Variants in ABCD3 observed in about 807,000 individuals in gnomAD.
The protein encoded by ABCD3 is ATP binding cassette subfamily D member 3, also known as ATP-binding cassette sub-family D member 3.
A neutral mutation model predicts 105.5 loss-of-function variants in ABCD3; 41 were observed. That is an observed-to-expected ratio of 0.39 (90% confidence interval 0.30 to 0.50). The LOEUF is 0.50. ABCD3 is among the 20% of genes least tolerant of loss of function. The probability of loss-of-function intolerance (pLI) is 0.84; values close to 1 mark genes in which losing one functional copy is unlikely to be tolerated. For synonymous variants in ABCD3, 258 were observed against 269.0 expected (o/e 0.96, Z 0.40); for missense variants, 622 against 806.3 (o/e 0.77, Z 2.77).
At chr1:94,452,614 T>C (rs1647311041) in intron 1 of ABCD3, among the ~76,000 whole-genome samples, 1 of 152,228 alleles carries the variant, frequency 6.6e-6, no homozygotes, top group Non-Finnish European at 1.5e-5. Flanking sequence ...AATTTTTGAA[T>C]AGGCAGTACA....
intron 21 of ABCD3, among the ~76,000 whole-genome samples, chr1:94,507,139 C>A (rs375041306): frequency 4.0e-4 from 61 of 151,990 alleles, no homozygotes; most frequent in South Asian, 1.0e-3. Flanking sequence ...ATCCCTCCCC[C>A]CTTCCCCCAC....
chr1:94,469,124 G>A (rs1210782291), intron 4 of ABCD3, among the ~76,000 whole-genome samples: 1 of 152,264 alleles, frequency 6.6e-6, no homozygotes, highest in South Asian at 2.1e-4. Flanking sequence ...ACTCACAACT[G>A]TCATTACGTG....
chr1:94,511,097 T>C (rs1650646603), intron 21 of ABCD3, among the ~76,000 whole-genome samples: 2 of 152,168 alleles, frequency 1.3e-5, no homozygotes, highest in Admixed American at 1.3e-4. Context: ...CGATGGTCTT[T>C]ACATTTTGGC....
At position 94,418,430 on chromosome 1, in the gene ABCD3, C is replaced by G; in HGVS notation, c.-49C>G. 6.6e-7 allele frequency: 1 copy of G among 1,518,222 alleles called. No individual in the cohort carries two copies. The highest frequency in any genetic ancestry group is 1.2e-5 in the South Asian group (1 of 85,166). 94.0% of individuals were successfully genotyped at this position (1,518,222 alleles called of 1,614,324 possible). ...CTGCGTGCAGTAAGGTAGCCGCCGC[C>G]GCCGCCGCCGCCGCGTCCCCTCGCC... On this transcript the variant is annotated 5_prime_UTR_variant, in exon 1 of 23. Transcript: ENST00000370214.
the ABCD3 span, among the ~76,000 whole-genome samples, chr1:94,396,900 A>G: frequency 1.3e-5 from 2 of 152,100 alleles, no homozygotes; most frequent in African/African-American, 4.8e-5. Flanking sequence ...TTTGCAGGCT[A>G]TTTTCCCAGG....
chr1:94,488,469 ATTATCT>A (rs1649374903), intron 13 of ABCD3, among the ~76,000 whole-genome samples: 1 of 152,088 alleles, frequency 6.6e-6, no homozygotes, highest in Non-Finnish European at 1.5e-5. Flanking sequence ...TAGTAGTAAA[ATTATCT>A]TTAGACAGTA....
intron 8 of ABCD3, among the ~76,000 whole-genome samples, chr1:94,479,043 G>C (rs1364610756): frequency 6.6e-6 from 1 of 152,146 alleles, no homozygotes; most frequent in Non-Finnish European, 1.5e-5. Context: ...ATATGTGTAT[G>C]TGTGTATATG....
At chr1:94,441,960 A>G (rs1180835484) in intron 1 of ABCD3, among the ~76,000 whole-genome samples, 2 of 152,194 alleles carry the variant, frequency 1.3e-5, no homozygotes, top group East Asian at 3.8e-4. Flanking sequence ...TTAGTATTCT[A>G]TCCATGTTAA....
At chr1:94,418,311 G>C (rs1659100930), upstream of ABCD3, 2 of 472,060 alleles carry the variant, frequency 4.2e-6, no homozygotes, top group Non-Finnish European at 7.2e-6. Context: ...AGTACAAAGT[G>C]GGCTCCAGAG....
chr1:94,404,963 A>G, the ABCD3 span, among the ~76,000 whole-genome samples: 2 of 151,638 alleles, frequency 1.3e-5, no homozygotes, highest in Admixed American at 1.3e-4. Flanking sequence ...AAAAAAAAAA[A>G]CAAACAGAAA....
intron 2 of ABCD3, among the ~76,000 whole-genome samples, chr1:94,461,326 G>A (rs1027591763): frequency 1.3e-5 from 2 of 151,870 alleles, no homozygotes; most frequent in South Asian, 2.1e-4. Context: ...TTCATAAGAC[G>A]TGAATTTTAA....
chr1:94,389,232 GA>G, the ABCD3 span, among the ~76,000 whole-genome samples: 14 of 152,232 alleles, frequency 9.2e-5, no homozygotes, highest in African/African-American at 3.4e-4. Flanking sequence ...GAGGGCTGGA[GA>G]GGATATAAAT....
At chr1:94,484,450 T>C (rs1164553792) in intron 10 of ABCD3, among the ~76,000 whole-genome samples, 3 of 152,226 alleles carry the variant, frequency 2.0e-5, no homozygotes, top group African/African-American at 7.2e-5. Context: ...TGGAATACTA[T>C]GCAGCCATAA....
chr1:94,412,413 G>A, the ABCD3 span, among the ~76,000 whole-genome samples: 12 of 152,016 alleles, frequency 7.9e-5, no homozygotes, highest in South Asian at 6.2e-4. Context: ...ATATTCTTCC[G>A]CACCTGGCTT....
intron 1 of ABCD3, among the ~76,000 whole-genome samples, chr1:94,426,879 G>A (rs1316273854): frequency 6.8e-6 from 1 of 147,976 alleles, no homozygotes; most frequent in African/African-American, 2.5e-5. Context: ...TTTAAACCTG[G>A]GTGCAGGTCT....
the ABCD3 span, among the ~76,000 whole-genome samples, chr1:94,391,533 T>C: frequency 3.3e-5 from 5 of 152,164 alleles, no homozygotes; most frequent in African/African-American, 9.7e-5. Flanking sequence ...ATCCCCTTGA[T>C]ACTAGGAATC....
intron 1 of ABCD3, among the ~76,000 whole-genome samples, chr1:94,451,234 A>G (rs543405663): frequency 5.5e-4 from 83 of 152,284 alleles, no homozygotes; most frequent in Non-Finnish European, 7.6e-4. Flanking sequence ...GGAAATGCCA[A>G]CTGAAATCTT....
At chr1:94,455,899 T>C in intron 1 of ABCD3, 1 of 1,170,882 alleles carries the variant, frequency 8.5e-7, no homozygotes. Context: ...ATAACATTTA[T>C]TAGTGGTAAG....
intron 20 of ABCD3, among the ~76,000 whole-genome samples, chr1:94,503,381 C>G (rs1325154105): frequency 2.0e-5 from 3 of 152,258 alleles, no homozygotes; most frequent in African/African-American, 7.2e-5. Flanking sequence ...GTCCTGACCT[C>G]CCTACTTCCG....
Sources: gnomAD v4.1 joint callset for allele counts (sites outside exome capture counted in the v4.1 genomes callset) on GRCh38, gnomAD v4.1.1 for gene constraint, MANE v1.5 for transcripts, NCBI Gene and HGNC (gene_info 2026-07-23, HGNC 2026-07-21) for gene names.